Variants in PIGZ observed in about 807,000 individuals in gnomAD.
PIGZ encodes phosphatidylinositol glycan anchor biosynthesis class Z (Gwada blood group).
Under a neutral mutation model 16.4 loss-of-function variants are expected in PIGZ, and 16 were observed. The ratio of observed to expected loss-of-function variants is 0.97; its 90% CI spans 0.66 to 1.48. PIGZ has a LOEUF of 1.48. Ranked by LOEUF, PIGZ falls within the 40% of genes most tolerant of loss-of-function variation. The pLI is 0.00. For missense variants in PIGZ, 770 were observed against 739.2 expected, an observed-to-expected ratio of 1.04 and a Z score of -0.48; for synonymous variants, 409 against 338.4, an observed-to-expected ratio of 1.21 and a Z score of -2.29.
intron 2 of PIGZ, among the ~76,000 whole-genome samples, 181 bp from the exon 3 acceptor site, chr3:196,948,866 CCCTTCCTT>C (rs1460556426): frequency 3.5e-5 from 3 of 85,636 alleles, no homozygotes; most frequent in Non-Finnish European, 7.5e-5. Flanking sequence ...TCCCTTCCTT[CCCTTCCTT>C]CCTTCCCTTC....
intron 1 of PIGZ, among the ~76,000 whole-genome samples, chr3:196,964,056 A>ATTTT (rs1717827831): frequency 6.6e-6 from 1 of 151,496 alleles, no homozygotes; most frequent in African/African-American, 2.4e-5. Context: ...TTATTTATTT[A>ATTTT]TTTATTTATT....
chr3:196,968,803 C>G lies in PIGZ; in HGVS notation c.-117G>C, dbSNP rs1469877782. The G allele has an allele frequency of 6.6e-6, 1 of 150,666 alleles. No individual in the cohort carries two copies. Among genetic ancestry groups the G allele is most frequent in the South Asian group, 2.1e-4 (1 of 4,834 alleles). 9.3% of individuals were successfully genotyped at this position (150,666 alleles called of 1,614,324 possible). On this transcript the variant is annotated 5_prime_UTR_variant, in exon 1 of 3. Coordinates refer to ENST00000412723, the MANE Select transcript of PIGZ (RefSeq NM_025163.4). ...CAGGGCGGAGGGGAGGCCGTGGGAG[C>G]GGCCGGGCGCGCCTCAGCAGCGCGG...
chr3:196,952,855 C>T (rs1019919538), intron 1 of PIGZ, among the ~76,000 whole-genome samples: 1 of 152,144 alleles, frequency 6.6e-6, no homozygotes, highest in Non-Finnish European at 1.5e-5. Context: ...AATTTGCACT[C>T]TCTTCAGCTG....
At chr3:196,961,853 G>A (rs1280817356) in intron 1 of PIGZ, among the ~76,000 whole-genome samples, 2 of 151,994 alleles carry the variant, frequency 1.3e-5, no homozygotes, top group African/African-American at 2.4e-5. Context: ...TGGTATATTC[G>A]TAGACAGGTG....
In PIGZ at chr3:196,948,201, G is replaced by A. The variant is rs977012779; in HGVS notation, c.696C>T (p.Ala232=). The A allele has an allele frequency of 6.2e-7, 1 of 1,614,066 alleles. No homozygotes were observed. The highest frequency in any genetic ancestry group is 1.3e-5 in the African/African-American group (1 of 74,936). ...AGAGGTAGAGGGGGACCACAGCAAAGGCCAGAAAGGTGGGCCGGTTGAAGA... is the reference window on the plus strand; with the variant it reads ...AGAGGTAGAGGGGGACCACAGCAAAAGCCAGAAAGGTGGGCCGGTTGAAGA... The part of the protein sequence containing the change: ...AGFFNRPTFL[A]FAVVPLYLWG... The change falls in exon 3 of 3, where the codon GCC becomes GCT. Residue 232 remains alanine (A), a synonymous_variant. Transcript: ENST00000412723.
intron 1 of PIGZ, among the ~76,000 whole-genome samples, chr3:196,961,710 G>T (rs1577897501): frequency 1.3e-5 from 2 of 152,234 alleles, no homozygotes; most frequent in African/African-American, 4.8e-5. Context: ...ATAATCCTCA[G>T]TTCCAGCCAT....
At chr3:196,955,427 TATC>T (rs1200115788) in intron 1 of PIGZ, among the ~76,000 whole-genome samples, 1 of 152,118 alleles carries the variant, frequency 6.6e-6, no homozygotes, top group Admixed American at 6.6e-5. Context: ...TTGAATATCT[TATC>T]ATTATATAGT....
rs934760900 is a variant in PIGZ at position 196,948,524 on chromosome 3, G to T, written c.373C>A (p.Leu125Met). 3.1e-6 allele frequency: 5 copies of T among 1,611,194 alleles called. No homozygotes were observed. Among genetic ancestry groups the T allele is most frequent in the Non-Finnish European group, 4.2e-6 (5 of 1,178,766 alleles). ...PWPGLVSGYA[L>M]LVGPRLLLTA... ...AGGAGGAGTCGAGGCCCCACCAGCA[G>T]CGCATAGCCGCTCACCAGGCCAGGC... is the stretch of plus-strand genomic sequence containing the variant. The change falls in exon 3 of 3, where the codon CTG (leucine) becomes ATG (methionine). Residue 125 changes from leucine to methionine, a missense_variant. By Grantham distance (15) the Leu-to-Met change is conservative. Coordinates refer to ENST00000412723, the MANE Select transcript of PIGZ (RefSeq NM_025163.4).
intron 2 of PIGZ, 179 bp downstream of exon 2, chr3:196,951,642 G>T: frequency 1.6e-6 from 1 of 630,756 alleles, no homozygotes. Flanking sequence ...TCACCACTCG[G>T]GAAGGAGATA....
At position 196,947,956 on chromosome 3, in the gene PIGZ, C is replaced by T. The variant is rs761923550; in HGVS notation, c.941G>A (p.Arg314Gln). The stretch of plus-strand genomic sequence containing the variant: ...GCCGTTGACTGCCAGGTGAGTGAGC[C>T]GCGCGTGCGTGCCATGTCTCGCCAG... ...QNLARHGTHA[R>Q]LTHLAVNGFL... Residue 314 changes from arginine to glutamine, a missense_variant, in exon 3 of 3, where the codon CGG (arginine) becomes CAG (glutamine). Physicochemically the swap from Arg to Gln is conservative, Grantham distance 43. Coordinates refer to ENST00000412723, the MANE Select transcript of PIGZ (RefSeq NM_025163.4). The T allele has an allele frequency of 2.0e-5, 32 of 1,611,856 alleles. No homozygotes were observed. The highest frequency in any genetic ancestry group is 6.7e-5 in the East Asian group (3 of 44,826).
At chr3:196,954,491 C>T (rs549264599) in intron 1 of PIGZ, among the ~76,000 whole-genome samples, 11 of 152,124 alleles carry the variant, frequency 7.2e-5, no homozygotes, top group South Asian at 6.2e-4. Flanking sequence ...GTTGATTTTG[C>T]GAATTTCTTC....
In PIGZ at chr3:196,948,434, G is replaced by A. The variant is rs781383378; in HGVS notation, c.463C>T (p.Arg155Cys). 9.3e-6 allele frequency: 15 copies of A among 1,614,176 alleles called. No individual in the cohort carries two copies. The highest frequency in any genetic ancestry group is 2.2e-5 in the East Asian group (1 of 44,874). ...GACAGCAGGGCCAGGGCGTTCCAGC[G>A]ATCCGCCCCCATCGGCGGGGCCAGG... is the stretch of plus-strand genomic sequence containing the variant. The part of the protein sequence containing the change: ...YHLAPPMGAD[R>C]WNALALLSGS... Residue 155 changes from arginine (R) to cysteine (C), a missense_variant, in exon 3 of 3, where the codon CGC becomes TGC. Arg to Cys is a radical substitution (Grantham distance 180). Coordinates refer to ENST00000412723, the MANE Select transcript of PIGZ (RefSeq NM_025163.4).
intron 2 of PIGZ, among the ~76,000 whole-genome samples, chr3:196,948,946 C>CCCTT (rs200843625): frequency 0.024 from 461 of 18,980 alleles, 92 homozygotes; most frequent in Middle Eastern, 0.031. Context: ...TCCCTTCCTT[C>CCCTT]CCCTCCCCTC....
At chr3:196,951,081 A>G (rs1717262632) in intron 2 of PIGZ, among the ~76,000 whole-genome samples, 1 of 152,208 alleles carries the variant, frequency 6.6e-6, no homozygotes, top group Non-Finnish European at 1.5e-5. Context: ...GGTCAGATAT[A>G]AAGACTATAA....
chr3:196,948,078 C>T lies in PIGZ; in HGVS notation c.819G>A (p.Val273=), dbSNP rs1717000981. 2.5e-6 allele frequency: 4 copies of T among 1,588,194 alleles called. No homozygotes were observed. The highest frequency in any genetic ancestry group is 1.3e-5 in the African/African-American group (1 of 74,370). Reference sequence around the variant, plus strand: ...TGGAGAAATACCAGCTGTCCGTGGCCACAAACACCGCTGCTGTGAGGGCTG... The same window carrying T: ...TGGAGAAATACCAGCTGTCCGTGGCTACAAACACCGCTGCTGTGAGGGCTG... ...PGAALTAAVF[V]ATDSWYFSSP... is the part of the protein sequence containing the mutation. Residue 273 remains valine, a synonymous_variant, in exon 3 of 3, where the codon GTG becomes GTA. Coordinates refer to ENST00000412723, the MANE Select transcript of PIGZ (RefSeq NM_025163.4).
rs1052347051 is a variant in PIGZ at position 196,948,462 on chromosome 3, G to A, written c.435C>T (p.Tyr145=). Residue 145 remains tyrosine (Y), a synonymous_variant, in exon 3 of 3, where the codon TAC becomes TAT. Transcript: ENST00000412723. ...CCGCCCCCATCGGCGGGGCCAGGTG[G>A]TACACGGCCCCGTCCAGAGCAAAGG... ...ALSFALDGAV[Y]HLAPPMGADR... 6 of 1,614,004 alleles carry A rather than the reference G, an allele frequency of 3.7e-6. No individual in the cohort carries two copies. The highest frequency in any genetic ancestry group is 5.1e-6 in the Non-Finnish European group (6 of 1,179,964).
At chr3:196,951,519 G>A (rs1378092220) in intron 2 of PIGZ, 1 of 424,842 alleles carries the variant, frequency 2.4e-6, no homozygotes, top group Admixed American at 3.8e-5. Flanking sequence ...TAATAAAAGT[G>A]TTCCCATGGG....
At position 196,951,876 on chromosome 3, in the gene PIGZ, C is replaced by A. The variant is rs202148620; in HGVS notation, c.156G>T (p.Pro52=). The change falls in exon 2 of 3, where the codon CCG becomes CCT. Residue 52 remains proline, a synonymous_variant. Transcript: ENST00000412723. ...SLLRVLWCLL[P]QTGYVHPDEF... ...CATCTGGGTGCACATAGCCCGTCTG[C>A]GGAAGGAGACACCACAGCACTCGGA... is the stretch of plus-strand genomic sequence containing the variant. 3.7e-6 allele frequency: 6 copies of A among 1,614,164 alleles called. No homozygotes were observed. The South Asian group carries it at 5.5e-5, about 15-fold the overall frequency.
intron 1 of PIGZ, among the ~76,000 whole-genome samples, chr3:196,960,592 C>G (rs1250741271): frequency 6.6e-6 from 1 of 151,642 alleles, no homozygotes; most frequent in East Asian, 1.9e-4. Context: ...TTGCTTGAAC[C>G]TGGGAGACAG....
Sources: gnomAD v4.1 joint callset for allele counts (sites outside exome capture counted in the v4.1 genomes callset) on GRCh38, gnomAD v4.1.1 for gene constraint, MANE v1.5 for transcripts, NCBI Gene and HGNC (gene_info 2026-07-23, HGNC 2026-07-21) for gene names.